Variants in RBM33 observed in about 807,000 individuals in gnomAD.
RBM33 encodes the protein RNA-binding protein 33.
A neutral mutation model predicts 132.6 loss-of-function variants in RBM33; 28 were observed. That is an observed-to-expected ratio of 0.21 (90% CI 0.16 to 0.29). The LOEUF (loss-of-function observed/expected upper bound fraction) is 0.29, where lower values mean the gene tolerates loss of function less well. Ranked by LOEUF, RBM33 falls within the 10% of genes least tolerant of loss-of-function variation. The pLI, the probability that RBM33 is intolerant of heterozygous loss-of-function variation, is 1.00. For missense variants in RBM33, 1,291 were observed against 1,518.5 expected (o/e 0.85, Z 2.49); for synonymous variants, 634 against 593.0 (o/e 1.07, Z -1.01).
At chr7:155,660,795 G>T (rs1798618450) in intron 1 of RBM33, among the ~76,000 whole-genome samples, 1 of 152,100 alleles carries the variant, frequency 6.6e-6, no homozygotes, top group Non-Finnish European at 1.5e-5. Flanking sequence ...CCTTTTGGAA[G>T]TTGTCAGCCA....
chr7:155,685,135 C>G, intron 5 of RBM33: 2 of 1,386,936 alleles, frequency 1.4e-6, no homozygotes, highest in Non-Finnish European at 2.0e-6. Context: ...TTAGCATTAG[C>G]GAAAGTCGAT....
At chr7:155,701,355 A>G (rs1799958104) in intron 6 of RBM33, 1 of 241,464 alleles carries the variant, frequency 4.1e-6, no homozygotes, top group Admixed American at 5.1e-5. Flanking sequence ...TGTACCTTTT[A>G]GTGTCTTCAT....
At position 155,741,799 on chromosome 7, in the gene RBM33, CTCTT is replaced by C. The variant is rs775467124; in HGVS notation, c.2050-14_2050-11del. The C allele has an allele frequency of 1.3e-6, 2 of 1,589,462 alleles. No homozygotes were observed. The highest frequency in any genetic ancestry group is 1.7e-6 in the Non-Finnish European group (2 of 1,162,592). On this transcript the variant is annotated splice_polypyrimidine_tract_variant and intron_variant, in intron 12 of 17. Transcript: ENST00000401878. ...CCAAGTTTCCACTTACAATTAGAAT[CTCTT>C]TCTTTTTGTGAAAAGAATACAACTT... is the stretch of plus-strand genomic sequence containing the variant.
At chr7:155,703,351 T>G (rs1464096997) in intron 6 of RBM33, among the ~76,000 whole-genome samples, 2 of 152,172 alleles carry the variant, frequency 1.3e-5, no homozygotes, top group African/African-American at 4.8e-5. Context: ...AGTCCTCTCC[T>G]TGGAATTATG....
rs376968507 is a variant in RBM33 at position 155,711,283 on chromosome 7, G to A, written c.1029G>A (p.Pro343=). The A allele has an allele frequency of 1.9e-5, 30 of 1,604,360 alleles. No homozygotes were observed. The African/African-American group carries it at 2.0e-4, about 11-fold the overall frequency. Residue 343 remains proline (P), a synonymous_variant, in exon 8 of 18, where the codon CCG becomes CCA. Coordinates refer to ENST00000401878, the MANE Select transcript of RBM33 (RefSeq NM_053043.3). The stretch of plus-strand genomic sequence containing the variant: ...TGTTCCAGCCGCAGCCGCTGCAGCC[G>A]CTGCTTCCGGTGCAGCACCCGCACC... ...RSLFQPQPLQ[P]LLPVQHPHHP...
chr7:155,673,942 T>TGTTGTTTGTTTG (rs780547846), intron 3 of RBM33, among the ~76,000 whole-genome samples: 1 of 31,432 alleles, frequency 3.2e-5, no homozygotes, highest in Non-Finnish European at 8.9e-5. Flanking sequence ...TAGGCTTAGT[T>TGTTGTTTGTTTG]TTTTTTTTTT....
At chr7:155,667,640 G>A (rs889197102) in intron 2 of RBM33, among the ~76,000 whole-genome samples, 8 of 152,018 alleles carry the variant, frequency 5.3e-5, no homozygotes, top group Non-Finnish European at 1.2e-4. Context: ...GACTAAATGC[G>A]GGCTGTGCAT....
chr7:155,671,294 T>C (rs1434604737), intron 2 of RBM33, among the ~76,000 whole-genome samples: 1 of 152,222 alleles, frequency 6.6e-6, no homozygotes, highest in East Asian at 1.9e-4. Context: ...AACTATCCTA[T>C]AGGAGTTTGT....
At chr7:155,715,264 G>A (rs570455475) in intron 8 of RBM33, among the ~76,000 whole-genome samples, 5 of 152,310 alleles carry the variant, frequency 3.3e-5, no homozygotes, top group African/African-American at 1.2e-4. Flanking sequence ...TCCTGAACTT[G>A]GAACTGCTGT....
chr7:155,705,199 A>G (rs1563152408), intron 6 of RBM33, among the ~76,000 whole-genome samples: 2 of 152,214 alleles, frequency 1.3e-5, no homozygotes. Flanking sequence ...TACAAATGTA[A>G]TTTCCATCCT....
intron 5 of RBM33, among the ~76,000 whole-genome samples, chr7:155,682,516 A>C (rs904629899): frequency 1.3e-5 from 2 of 152,198 alleles, no homozygotes; most frequent in Non-Finnish European, 2.9e-5. Context: ...GCCTAGTTAG[A>C]GTATTTTATT....
chr7:155,716,924 G>C (rs1395475001), intron 8 of RBM33, among the ~76,000 whole-genome samples: 1 of 152,124 alleles, frequency 6.6e-6, no homozygotes, highest in Non-Finnish European at 1.5e-5. Context: ...CTTTGCATTT[G>C]ATCAAGCAGT....
chr7:155,679,433 A>G (rs1176753958), intron 4 of RBM33, among the ~76,000 whole-genome samples: 3 of 152,170 alleles, frequency 2.0e-5, no homozygotes, highest in Non-Finnish European at 4.4e-5. Context: ...GTGCTACTTT[A>G]GACTCTAGTT....
intron 5 of RBM33, among the ~76,000 whole-genome samples, chr7:155,694,651 T>G (rs6977041): frequency 0.69 from 104,590 of 152,012 alleles, 36,265 homozygotes; most frequent in South Asian, 0.77. Context: ...TTTCCTAGTC[T>G]GGAACATCAC....
chr7:155,661,143 TATA>T lies in RBM33; in HGVS notation c.44-4031_44-4029del, dbSNP rs1299823176. Among the ~76,000 whole-genome samples the T allele has an allele frequency of 6.8e-3, 537 of 79,374 alleles. 20 individuals are homozygous for T. The highest frequency in any genetic ancestry group is 0.023 in the African/African-American group (525 of 23,094). The allele number at this position is 79,374 out of a possible 152,430, so 52.1% of individuals were successfully genotyped here. ...GTGTGTGTGTGTGTATATATATATA[TATA>T]TTTTTTTTTTTTTGAGACAGAGTCT... On this transcript the variant is annotated intron_variant, in intron 1 of 17. Transcript: ENST00000401878.
intron 5 of RBM33, among the ~76,000 whole-genome samples, chr7:155,700,282 A>G (rs906832913): frequency 7.9e-4 from 121 of 152,236 alleles, no homozygotes; most frequent in African/African-American, 2.8e-3. Flanking sequence ...AGGCTACATC[A>G]GTAGAACGGC....
chr7:155,700,637 G>A (rs1031734693), intron 5 of RBM33, 136 bp from the exon 6 acceptor site: 2 of 510,308 alleles, frequency 3.9e-6, no homozygotes, highest in Non-Finnish European at 6.6e-6. Flanking sequence ...GTTTCATGTG[G>A]CCTTTTAACA....
In RBM33 at chr7:155,706,867, A is replaced by G; in HGVS notation, c.747A>G (p.Ser249=). The change falls in exon 7 of 18, where the codon TCA becomes TCG. Residue 249 remains serine (S), a synonymous_variant. Transcript: ENST00000401878. The part of the protein sequence containing the change: ...RRNIPETLEL[S]AEAKAALLEF... ...ACACATTTTTTCACATAGAGCTTTC[A>G]GCAGAGGCCAAGGCAGCATTGCTTG... The G allele has an allele frequency of 1.9e-6, 3 of 1,600,642 alleles. No individual in the cohort carries two copies. The highest frequency in any genetic ancestry group is 2.6e-6 in the Non-Finnish European group (3 of 1,173,816).
rs981588346 is a variant in RBM33, at chr7:155,689,979, A to G, written c.567+9071A>G. Among the ~76,000 whole-genome samples, 6 of 152,200 alleles carry G rather than the reference A, an allele frequency of 3.9e-5. No homozygotes were observed. In the East Asian group the frequency reaches 5.8e-4, roughly 15 times the overall value. On this transcript the variant is annotated intron_variant, in intron 5 of 17. Transcript: ENST00000401878. ...AGGGTGGAGACTTCTGTAGATGTCTATTAGGTCCGCTTGGTGCAGAGCTGA... is the reference window on the plus strand; with the variant it reads ...AGGGTGGAGACTTCTGTAGATGTCTGTTAGGTCCGCTTGGTGCAGAGCTGA...
Sources: gnomAD v4.1 joint callset for allele counts (sites outside exome capture counted in the v4.1 genomes callset) on GRCh38, gnomAD v4.1.1 for gene constraint, MANE v1.5 for transcripts, NCBI Gene and HGNC (gene_info 2026-07-23, HGNC 2026-07-21) for gene names.